The following NKAIN3 variants were observed in gnomAD, a reference collection of about 807,000 sequenced individuals.
The protein encoded by NKAIN3 is sodium/potassium-transporting ATPase subunit beta-1-interacting protein 3.
In NKAIN3, 25 loss-of-function variants were observed where a neutral mutation model predicts 30.2. The ratio of observed to expected loss-of-function variants is 0.83; its 90% CI spans 0.60 to 1.16. NKAIN3 has a LOEUF of 1.16. Ranked by LOEUF, NKAIN3 falls within the 50% of genes most tolerant of loss-of-function variation. NKAIN3 has a pLI of 0.00. For missense variants in NKAIN3, 225 were observed against 254.1 expected (o/e 0.89, Z 0.78); for synonymous variants, 91 against 89.6 (o/e 1.02, Z -0.09).
intron 1 of NKAIN3, among the ~76,000 whole-genome samples, chr8:62,528,696 A>G (rs751642738): frequency 1.3e-5 from 2 of 152,218 alleles, no homozygotes; most frequent in African/African-American, 2.4e-5. Flanking sequence ...AGCAGACACT[A>G]TATTCCCTGA....
chr8:62,729,390 G>C (rs1229593337), intron 3 of NKAIN3, among the ~76,000 whole-genome samples: 1 of 152,150 alleles, frequency 6.6e-6, no homozygotes, highest in East Asian at 1.9e-4. Flanking sequence ...GTAGGATATG[G>C]ACCAACAGAA....
chr8:62,934,371 C>T (rs1282647831), intron 5 of NKAIN3, among the ~76,000 whole-genome samples: 1 of 27,144 alleles, frequency 3.7e-5, no homozygotes, highest in Non-Finnish European at 6.4e-5. Context: ...AAGCAGGACC[C>T]TGTCTCTTAA....
At chr8:62,879,456 G>T (rs994901372) in intron 4 of NKAIN3, among the ~76,000 whole-genome samples, 1 of 152,178 alleles carries the variant, frequency 6.6e-6, no homozygotes, top group Non-Finnish European at 1.5e-5. Context: ...CTCCCATTCT[G>T]TAGGTTGCCT....
chr8:62,523,362 C>T (rs989054203), intron 1 of NKAIN3, among the ~76,000 whole-genome samples: 1 of 152,062 alleles, frequency 6.6e-6, no homozygotes, highest in Non-Finnish European at 1.5e-5. Flanking sequence ...TTAAACAAAG[C>T]ATGATTTTAT....
chr8:62,946,675 G>T (rs1053710062), intron 5 of NKAIN3, among the ~76,000 whole-genome samples: 2 of 152,118 alleles, frequency 1.3e-5, no homozygotes, highest in African/African-American at 4.8e-5. Context: ...CCATATTTGA[G>T]TTCTTCAAAT....
At chr8:62,918,908 A>G (rs998692023) in intron 5 of NKAIN3, among the ~76,000 whole-genome samples, 6 of 152,122 alleles carry the variant, frequency 3.9e-5, no homozygotes, top group African/African-American at 1.4e-4. Context: ...ACAATAATAC[A>G]TTACAGAAAG....
chr8:62,329,958 T>C (rs2129589914), intron 1 of NKAIN3, among the ~76,000 whole-genome samples: 1 of 152,120 alleles, frequency 6.6e-6, no homozygotes, highest in East Asian at 1.9e-4. Context: ...TGGTGAACTG[T>C]TGATTTACCA....
intron 1 of NKAIN3, among the ~76,000 whole-genome samples, chr8:62,285,685 T>C (rs1487458580): frequency 6.6e-6 from 1 of 152,150 alleles, no homozygotes; most frequent in Non-Finnish European, 1.5e-5. Context: ...GGATGAAGCC[T>C]GATGCCCAAG....
chr8:62,475,379 C>G (rs150247337), intron 1 of NKAIN3, among the ~76,000 whole-genome samples: 1 of 152,156 alleles, frequency 6.6e-6, no homozygotes, highest in Non-Finnish European at 1.5e-5. Context: ...CAGCCCTGCT[C>G]TTCGTGGGCC....
intron 1 of NKAIN3, among the ~76,000 whole-genome samples, chr8:62,252,053 G>T (rs549892272): frequency 7.1e-4 from 108 of 152,126 alleles, no homozygotes; most frequent in African/African-American, 2.5e-3. Flanking sequence ...TTCTAACTCT[G>T]AGCCCGTATA....
intron 1 of NKAIN3, among the ~76,000 whole-genome samples, chr8:62,298,344 A>T (rs971744270): frequency 1.1e-4 from 17 of 152,124 alleles, no homozygotes; most frequent in African/African-American, 4.1e-4. Flanking sequence ...AAAATAAAGG[A>T]TCTTTCAAAG....
chr8:62,359,521 C>G (rs1432662236), intron 1 of NKAIN3, among the ~76,000 whole-genome samples: 1 of 152,164 alleles, frequency 6.6e-6, no homozygotes, highest in Non-Finnish European at 1.5e-5. Flanking sequence ...GGATCGCTGC[C>G]TCGCTTTGGT....
intron 4 of NKAIN3, among the ~76,000 whole-genome samples, chr8:62,834,392 C>T (rs1390109026): frequency 6.6e-6 from 1 of 152,014 alleles, no homozygotes; most frequent in Non-Finnish European, 1.5e-5. Flanking sequence ...AACTACTTCT[C>T]TTTGCTGACA....
intron 1 of NKAIN3, among the ~76,000 whole-genome samples, chr8:62,328,407 A>G (rs1482706381): frequency 1.3e-5 from 2 of 152,184 alleles, no homozygotes; most frequent in African/African-American, 2.4e-5. Flanking sequence ...TAAAATACCT[A>G]TAATGAGAGG....
chr8:62,312,697 G>A (rs957576294), intron 1 of NKAIN3, among the ~76,000 whole-genome samples: 3 of 151,926 alleles, frequency 2.0e-5, no homozygotes, highest in Non-Finnish European at 2.9e-5. Flanking sequence ...TGCACCTGTG[G>A]TCCCAGCTAC....
intron 1 of NKAIN3, among the ~76,000 whole-genome samples, chr8:62,363,458 T>C (rs993009290): frequency 9.2e-5 from 14 of 152,288 alleles, no homozygotes; most frequent in Non-Finnish European, 1.6e-4. Context: ...GCCTTTCTCC[T>C]CAACACACAG....
intron 4 of NKAIN3, among the ~76,000 whole-genome samples, chr8:62,864,706 T>C (rs1439483283): frequency 6.6e-6 from 1 of 152,122 alleles, no homozygotes; most frequent in Non-Finnish European, 1.5e-5. Context: ...GGTTTCAGCC[T>C]CCAGTACTGG....
chr8:62,396,216 C>T (rs969165008), intron 1 of NKAIN3, among the ~76,000 whole-genome samples: 3 of 152,080 alleles, frequency 2.0e-5, no homozygotes, highest in Non-Finnish European at 4.4e-5. Flanking sequence ...CTCAGAAGAC[C>T]CTTATGCACA....
chr8:62,579,183 C>A (rs1019178548), intron 1 of NKAIN3, among the ~76,000 whole-genome samples: 4 of 151,620 alleles, frequency 2.6e-5, no homozygotes, highest in East Asian at 1.9e-4. Flanking sequence ...CTATGATGTA[C>A]CCCTCATAAT....
Sources: gnomAD v4.1 joint callset for allele counts (sites outside exome capture counted in the v4.1 genomes callset) on GRCh38, gnomAD v4.1.1 for gene constraint, MANE v1.5 for transcripts, NCBI Gene and HGNC (gene_info 2026-07-23, HGNC 2026-07-21) for gene names.